The following RANBP2 variants were observed in gnomAD, a reference collection of about 807,000 sequenced individuals.
The protein encoded by RANBP2 is E3 SUMO-protein ligase RanBP2.
A neutral mutation model predicts 303.6 loss-of-function variants in RANBP2; 57 were observed. The ratio of observed to expected loss-of-function variants is 0.19; its 90% confidence interval spans 0.15 to 0.23. RANBP2 has a LOEUF of 0.23. RANBP2 is among the 10% of genes least tolerant of loss of function. RANBP2 has a pLI of 1.00. For synonymous variants in RANBP2, 1,167 were observed against 1,301.5 expected (o/e 0.90, Z 2.23); for missense variants, 3,138 against 3,780.8 (o/e 0.83, Z 4.46).
the RANBP2 span, among the ~76,000 whole-genome samples, chr2:108,923,851 G>A: frequency 6.6e-6 from 1 of 152,244 alleles, no homozygotes; most frequent in Non-Finnish European, 1.5e-5. Context: ...CATGCCCTCT[G>A]TGAGCACCCT....
the RANBP2 span, among the ~76,000 whole-genome samples, chr2:108,915,915 TAAATAA>T: frequency 6.6e-6 from 1 of 151,430 alleles, no homozygotes; most frequent in African/African-American, 2.4e-5. Flanking sequence ...AAATAAAAAA[TAAATAA>T]AAATAAAAAA....
chr2:108,888,297 T>C, the RANBP2 span, among the ~76,000 whole-genome samples: 1 of 152,158 alleles, frequency 6.6e-6, no homozygotes, highest in South Asian at 2.1e-4. Flanking sequence ...TGCATATATG[T>C]TCATTCACCA....
the RANBP2 span, among the ~76,000 whole-genome samples, chr2:109,513,516 A>ACATG: frequency 6.6e-6 from 1 of 150,506 alleles, no homozygotes; most frequent in South Asian, 2.1e-4. Context: ...TACACACACC[A>ACATG]TACCCACATG....
the RANBP2 span, chr2:108,910,621 A>G: frequency 1.4e-6 from 2 of 1,400,136 alleles, no homozygotes; most frequent in African/African-American, 2.8e-5. Context: ...CCTGTTGGGC[A>G]GAGCTGCCCG....
At chr2:108,950,223 T>G in the RANBP2 span, among the ~76,000 whole-genome samples, 1 of 135,484 alleles carries the variant, frequency 7.4e-6, no homozygotes, top group Non-Finnish European at 1.6e-5. Context: ...CTCCCTCCCT[T>G]CCTTCCTCCC....
At chr2:109,645,293 G>A in the RANBP2 span, among the ~76,000 whole-genome samples, 6 of 152,206 alleles carry the variant, frequency 3.9e-5, no homozygotes, top group African/African-American at 9.6e-5. Context: ...CACTTAGTAC[G>A]TAAATTCAGC....
the RANBP2 span, among the ~76,000 whole-genome samples, chr2:109,682,950 C>A: frequency 1.3e-5 from 2 of 152,196 alleles, no homozygotes; most frequent in African/African-American, 4.8e-5. Flanking sequence ...TCATTTACCA[C>A]CCCCGCTCAA....
chr2:109,415,666 A>G, the RANBP2 span, among the ~76,000 whole-genome samples: 10,849 of 152,156 alleles, frequency 0.071, 553 homozygotes, highest in East Asian at 0.3. Flanking sequence ...GAAGACCAGA[A>G]CACTCTCAGG....
At chr2:108,775,465 T>A (rs981152298) in intron 23 of RANBP2, among the ~76,000 whole-genome samples, 1 of 152,186 alleles carries the variant, frequency 6.6e-6, no homozygotes, top group African/African-American at 2.4e-5. Flanking sequence ...AAAAACTCCG[T>A]GTGGATCTTA....
chr2:108,811,262 T>TTTTTTTTTTTTTTTTTTTTTTC, the RANBP2 span, among the ~76,000 whole-genome samples: 1 of 145,954 alleles, frequency 6.9e-6, no homozygotes, highest in Admixed American at 6.9e-5. Context: ...TTTTTTTTTT[T>TTTTTTTTTTTTTTTTTTTTTTC]GACTGTCTCC....
At chr2:109,035,301 G>A in the RANBP2 span, among the ~76,000 whole-genome samples, 47 of 152,190 alleles carry the variant, frequency 3.1e-4, no homozygotes, top group African/African-American at 8.0e-4. Context: ...TTGACTGCTG[G>A]TTCCCCCAAG....
the RANBP2 span, among the ~76,000 whole-genome samples, chr2:109,170,031 A>G: frequency 6.6e-6 from 1 of 152,216 alleles, no homozygotes; most frequent in Non-Finnish European, 1.5e-5. Flanking sequence ...CATATGGCTC[A>G]TAACTGTTAT....
At chr2:108,771,497 A>G (rs955006883) in intron 20 of RANBP2, among the ~76,000 whole-genome samples, 13 of 152,110 alleles carry the variant, frequency 8.5e-5, no homozygotes, top group African/African-American at 2.9e-4. Context: ...TTCTGTGTTC[A>G]CTTAGGGTTT....
At chr2:109,671,608 G>A in the RANBP2 span, among the ~76,000 whole-genome samples, 5 of 152,202 alleles carry the variant, frequency 3.3e-5, no homozygotes, top group African/African-American at 1.2e-4. Flanking sequence ...CATGAGTGGA[G>A]CATTATCTCA....
chr2:109,307,442 C>T, the RANBP2 span, among the ~76,000 whole-genome samples: 2 of 144,584 alleles, frequency 1.4e-5, no homozygotes, highest in African/African-American at 2.7e-5. Context: ...TATTATTATA[C>T]TTTAAGTTTT....
At chr2:109,250,999 TTTTA>T in the RANBP2 span, among the ~76,000 whole-genome samples, 2 of 152,018 alleles carry the variant, frequency 1.3e-5, no homozygotes, top group Non-Finnish European at 2.9e-5. Context: ...TTATTAATAT[TTTTA>T]TTTATTTATT....
the RANBP2 span, among the ~76,000 whole-genome samples, chr2:108,918,046 G>T: frequency 6.6e-6 from 1 of 152,120 alleles, no homozygotes; most frequent in Admixed American, 6.5e-5. Context: ...GCATCATGTT[G>T]AATGCACGTG....
the RANBP2 span, chr2:109,544,381 TTA>T: frequency 6.5e-7 from 1 of 1,547,250 alleles, no homozygotes; most frequent in Non-Finnish European, 8.6e-7. Flanking sequence ...CAAGTAAAAA[TTA>T]GCAAACATGC....
intron 22 of RANBP2, 71 bp from the exon 23 acceptor site, chr2:108,772,794 TTGA>T: frequency 1.3e-6 from 2 of 1,494,282 alleles, no homozygotes; most frequent in Non-Finnish European, 1.8e-6. Context: ...GTGGATTATG[TTGA>T]TGACTACCAT....
Sources: gnomAD v4.1 joint callset for allele counts (sites outside exome capture counted in the v4.1 genomes callset) on GRCh38, gnomAD v4.1.1 for gene constraint, MANE v1.5 for transcripts, NCBI Gene and HGNC (gene_info 2026-07-23, HGNC 2026-07-21) for gene names.